Variants in SPECC1 observed in about 807,000 individuals in gnomAD.
SPECC1 encodes the protein sperm antigen with calponin homology and coiled-coil domains 1, also known as cytospin-B.
A neutral mutation model predicts 104.1 loss-of-function variants in SPECC1; 62 were observed. The ratio of observed to expected loss-of-function variants is 0.60; its 90% CI spans 0.49 to 0.74. SPECC1 has a LOEUF of 0.74. Among genes scored for constraint, SPECC1 ranks in the 30% least tolerant of loss-of-function variants. The pLI is 0.00. For synonymous variants in SPECC1, 513 were observed against 501.6 expected (o/e 1.02, Z -0.30); for missense variants, 1,306 against 1,310.5 (o/e 1.00, Z 0.05).
intron 1 of SPECC1, among the ~76,000 whole-genome samples, chr17:20,043,744 G>A (rs2045425303): frequency 6.6e-6 from 1 of 152,182 alleles, no homozygotes; most frequent in Non-Finnish European, 1.5e-5. Flanking sequence ...CTTCCTTTTA[G>A]TAAGGAATGG....
intron 3 of SPECC1, among the ~76,000 whole-genome samples, chr17:20,125,208 CA>C (rs1452487707): frequency 1.3e-5 from 2 of 151,576 alleles, no homozygotes; most frequent in Non-Finnish European, 2.9e-5. Flanking sequence ...CAAAACAAAA[CA>C]AAAAAATTGC....
chr17:20,049,180 CA>C (rs1184357293), intron 1 of SPECC1, among the ~76,000 whole-genome samples: 4 of 152,050 alleles, frequency 2.6e-5, no homozygotes, highest in African/African-American at 9.7e-5. Flanking sequence ...ATGCTATCAG[CA>C]AAAAATGAGA....
intron 3 of SPECC1, among the ~76,000 whole-genome samples, chr17:20,154,307 T>A (rs1360893360): frequency 6.6e-6 from 1 of 152,164 alleles, no homozygotes; most frequent in Non-Finnish European, 1.5e-5. Flanking sequence ...TGGCTTACTA[T>A]TTAATGTGGT....
intron 1 of SPECC1, among the ~76,000 whole-genome samples, chr17:20,040,033 C>T (rs1426182667): frequency 2.0e-5 from 3 of 151,130 alleles, no homozygotes; most frequent in African/African-American, 4.9e-5. Flanking sequence ...CTCTTTTTGT[C>T]TTGTCTTCCT....
In SPECC1 at chr17:20,031,312, A is replaced by T. The variant is rs184933533; in HGVS notation, c.-22+21888A>T. 6.0e-3 allele frequency among the ~76,000 whole-genome samples: 916 copies of T among 151,704 alleles called. 5 individuals are homozygous for T. Among genetic ancestry groups the T allele is most frequent in the Non-Finnish European group, 8.7e-3 (594 of 67,890 alleles). ...CCTGGCCTCCTGCTTAATCATTTTT[A>T]AATTTTTTTTATTTTTTATTTTTTG... On this transcript the variant is annotated intron_variant, in intron 1 of 14. Coordinates refer to ENST00000395527, the MANE Select transcript of SPECC1 (RefSeq NM_001243439.2).
chr17:20,086,354 CACAGACAG>C (rs748603057), intron 1 of SPECC1, among the ~76,000 whole-genome samples: 21 of 152,182 alleles, frequency 1.4e-4, no homozygotes, highest in Non-Finnish European at 2.8e-4. Flanking sequence ...CCTTCACTTC[CACAGACAG>C]ACAGACAGAC....
chr17:20,081,466 G>A (rs1379173677), intron 1 of SPECC1, among the ~76,000 whole-genome samples: 2 of 152,122 alleles, frequency 1.3e-5, no homozygotes, highest in East Asian at 3.9e-4. Context: ...GGGATGTGGG[G>A]TGTGCGTGTG....
At chr17:20,056,321 G>A (rs912057772) in intron 1 of SPECC1, 8 of 190,156 alleles carry the variant, frequency 4.2e-5, no homozygotes, top group East Asian at 2.6e-4. Context: ...CACCTGGTGC[G>A]GCTTGGGAAC....
intron 14 of SPECC1, among the ~76,000 whole-genome samples, chr17:20,311,979 G>A (rs2041945886): frequency 6.6e-6 from 1 of 152,172 alleles, no homozygotes; most frequent in Non-Finnish European, 1.5e-5. Context: ...TGTTGAACCA[G>A]CCTTGTGTTC....
Position 20,067,554 on chromosome 17 carries a change from G to A in SPECC1, c.-21-29077G>A, listed in dbSNP as rs1035850648. ...TTTGTATTTTCCACCAAAATATATT[G>A]TCGTCATTGTTCCATATCACTGGAT... On this transcript the variant is annotated intron_variant, in intron 1 of 14. Transcript: ENST00000395527. 2.6e-5 allele frequency among the ~76,000 whole-genome samples: 4 copies of A among 151,842 alleles called. No homozygotes were observed. In the South Asian group the frequency reaches 6.2e-4, roughly 24 times the overall value.
At chr17:20,011,870 T>C (rs1242980517) in intron 1 of SPECC1, among the ~76,000 whole-genome samples, 1 of 152,186 alleles carries the variant, frequency 6.6e-6, no homozygotes, top group Non-Finnish European at 1.5e-5. Context: ...ATTAGCTTTA[T>C]CTACCTGTTT....
chr17:20,102,742 G>T lies in SPECC1; in HGVS notation c.147+5944G>T, dbSNP rs184659944. 3.7e-3 allele frequency among the ~76,000 whole-genome samples: 560 copies of T among 152,112 alleles called. 2 individuals carry two copies. The highest frequency in any genetic ancestry group is 0.024 in the South Asian group (117 of 4,810). ...TTCTATTGTACTCTCTGGAATCCCC[G>T]TTGCATTGCGTTCATTTTTCCTAAA... On this transcript the variant is annotated intron_variant, in intron 2 of 14. Coordinates refer to ENST00000395527, the MANE Select transcript of SPECC1 (RefSeq NM_001243439.2).
At chr17:20,106,864 A>G (rs1026600514) in intron 2 of SPECC1, among the ~76,000 whole-genome samples, 5 of 152,126 alleles carry the variant, frequency 3.3e-5, no homozygotes, top group Non-Finnish European at 7.4e-5. Flanking sequence ...TGTTCAGAAA[A>G]TGTGGTCGTG....
At chr17:20,092,380 C>A (rs2047440089) in intron 1 of SPECC1, among the ~76,000 whole-genome samples, 1 of 150,162 alleles carries the variant, frequency 6.7e-6, no homozygotes, top group African/African-American at 2.5e-5. Flanking sequence ...TAATTCATAT[C>A]CATAAGAAAA....
intron 12 of SPECC1, among the ~76,000 whole-genome samples, chr17:20,283,287 G>A (rs2151678739): frequency 6.6e-6 from 1 of 152,298 alleles, no homozygotes; most frequent in South Asian, 2.1e-4. Flanking sequence ...GGGACAAAAG[G>A]TAGCTTTCCG....
intron 3 of SPECC1, among the ~76,000 whole-genome samples, chr17:20,141,742 ATC>A (rs2030826542): frequency 6.6e-6 from 1 of 152,042 alleles, no homozygotes; most frequent in Admixed American, 6.6e-5. Context: ...GCAACCACTA[ATC>A]TGTTTTTTAT....
At chr17:20,032,968 ATTT>A (rs776295689) in intron 1 of SPECC1, among the ~76,000 whole-genome samples, 1 of 141,896 alleles carries the variant, frequency 7.0e-6, no homozygotes. Flanking sequence ...ATATATGTAT[ATTT>A]TTTTTTTTTT....
At chr17:20,102,611 G>C (rs915624444) in intron 2 of SPECC1, among the ~76,000 whole-genome samples, 2 of 152,142 alleles carry the variant, frequency 1.3e-5, no homozygotes, top group Admixed American at 6.5e-5. Context: ...AGCTGTGCCT[G>C]GTGCATCACA....
At chr17:20,068,980 T>G (rs969433463) in intron 1 of SPECC1, among the ~76,000 whole-genome samples, 5 of 152,226 alleles carry the variant, frequency 3.3e-5, no homozygotes, top group Admixed American at 2.6e-4. Context: ...TTAACTTATT[T>G]TAGGTTCAGG....
Sources: gnomAD v4.1 joint callset for allele counts (sites outside exome capture counted in the v4.1 genomes callset) on GRCh38, gnomAD v4.1.1 for gene constraint, MANE v1.5 for transcripts, NCBI Gene and HGNC (gene_info 2026-07-23, HGNC 2026-07-21) for gene names.